The following SLC4A4 variants were observed in gnomAD, a reference collection of about 807,000 sequenced individuals.
The protein encoded by SLC4A4 is electrogenic sodium bicarbonate cotransporter 1.
A neutral mutation model predicts 111.5 loss-of-function variants in SLC4A4; 27 were observed. The observed-to-expected ratio is 0.24, with a 90% CI of 0.18 to 0.33. The LOEUF (loss-of-function observed/expected upper bound fraction) is 0.33, where lower values mean the gene tolerates loss of function less well. SLC4A4 is among the 10% of genes least tolerant of loss of function. SLC4A4 has a pLI of 1.00. For synonymous variants in SLC4A4, 443 were observed against 463.4 expected (o/e 0.96, Z 0.57); for missense variants, 909 against 1,315.5 (o/e 0.69, Z 4.78).
At chr4:71,316,999 C>G (rs142624759) in intron 3 of SLC4A4, among the ~76,000 whole-genome samples, 1 of 151,792 alleles carries the variant, frequency 6.6e-6, no homozygotes, top group South Asian at 2.1e-4. Flanking sequence ...AGGCTACAGG[C>G]GTGCACCAGT....
intron 1 of SLC4A4, among the ~76,000 whole-genome samples, chr4:71,089,336 G>T (rs1742303420): frequency 6.6e-6 from 1 of 151,894 alleles, no homozygotes; most frequent in Non-Finnish European, 1.5e-5. Flanking sequence ...TTTGCCATGG[G>T]TTCGAACTTC....
rs150679042 is a variant in SLC4A4, at chr4:71,425,769, G to A, written c.808-14847G>A. On this transcript the variant is annotated intron_variant, in intron 7 of 25. Transcript: ENST00000264485. ...TTCAGATTGGCAGTTGGTTGAAAGA[G>A]TTTATCTAAAGACCTAGAATCCATA... Among the ~76,000 whole-genome samples the A allele has an allele frequency of 1.2e-4, 18 of 152,174 alleles. No homozygotes were observed. The East Asian group carries it at 3.5e-3, about 29-fold the overall frequency.
intron 3 of SLC4A4, among the ~76,000 whole-genome samples, chr4:71,326,635 A>G (rs1727523641): frequency 6.6e-6 from 1 of 152,086 alleles, no homozygotes; most frequent in Non-Finnish European, 1.5e-5. Flanking sequence ...TGCCTTATCT[A>G]TTATCATCTC....
At chr4:71,378,076 G>A (rs1466000593) in intron 6 of SLC4A4, among the ~76,000 whole-genome samples, 1 of 152,136 alleles carries the variant, frequency 6.6e-6, no homozygotes, top group African/African-American at 2.4e-5. Context: ...CAGTCCCCAT[G>A]ATTCAATTAC....
intron 2 of SLC4A4, among the ~76,000 whole-genome samples, chr4:71,177,754 A>C (rs182554800): frequency 1.3e-5 from 2 of 152,346 alleles, no homozygotes; most frequent in Non-Finnish European, 2.9e-5. Context: ...CCCACTGTCA[A>C]CATTAGACAG....
intron 16 of SLC4A4, among the ~76,000 whole-genome samples, chr4:71,526,179 A>T (rs4146676): frequency 8.6e-5 from 13 of 151,832 alleles, no homozygotes; most frequent in Admixed American, 1.3e-4. Flanking sequence ...GGGGATTTAG[A>T]GTTGAATATA....
intron 3 of SLC4A4, among the ~76,000 whole-genome samples, chr4:71,286,360 G>T (rs74514229): frequency 6.4e-4 from 98 of 152,330 alleles, no homozygotes; most frequent in African/African-American, 2.3e-3. Context: ...GTCAACAGAA[G>T]ACCAAACGCT....
chr4:71,249,990 G>A (rs913047581), intron 2 of SLC4A4, among the ~76,000 whole-genome samples: 2 of 152,004 alleles, frequency 1.3e-5, no homozygotes, highest in African/African-American at 4.8e-5. Flanking sequence ...CACTGTGCCT[G>A]GACTTGATAC....
intron 3 of SLC4A4, among the ~76,000 whole-genome samples, chr4:71,296,902 G>T (rs1306914228): frequency 1.3e-5 from 2 of 152,138 alleles, no homozygotes; most frequent in Non-Finnish European, 2.9e-5. Context: ...TTGGATATTA[G>T]TTCGTTCTCT....
At chr4:71,320,163 C>G (rs1401078717) in intron 3 of SLC4A4, among the ~76,000 whole-genome samples, 6 of 152,028 alleles carry the variant, frequency 3.9e-5, no homozygotes, top group Non-Finnish European at 5.9e-5. Context: ...AGCAACAGCA[C>G]TTCTTTAATT....
rs1296431346 is a variant in SLC4A4 at position 71,571,152 on chromosome 4, A to G, written c.*3401A>G. On this transcript the variant is annotated 3_prime_UTR_variant, in exon 26 of 26. Coordinates refer to ENST00000264485, the MANE Select transcript of SLC4A4 (RefSeq NM_001098484.3). ...TTTTGGTTCCTTTTTTAACTGTGTT[A>G]AAGTACTTGAAATGTATTGACTGCT... The G allele has an allele frequency of 2.6e-5, 4 of 152,258 alleles. No individual in the cohort carries two copies. The highest frequency in any genetic ancestry group is 7.2e-5 in the African/African-American group (3 of 41,392). 9.4% of individuals were successfully genotyped at this position (152,258 alleles called of 1,614,324 possible).
intron 16 of SLC4A4, among the ~76,000 whole-genome samples, chr4:71,522,919 T>C (rs1276357372): frequency 6.6e-6 from 1 of 152,182 alleles, no homozygotes; most frequent in Admixed American, 6.5e-5. Flanking sequence ...ATTTAGTTTT[T>C]ATTGATGTAA....
At chr4:71,428,669 A>G (rs751513063) in intron 7 of SLC4A4, among the ~76,000 whole-genome samples, 5 of 152,088 alleles carry the variant, frequency 3.3e-5, no homozygotes, top group Non-Finnish European at 7.4e-5. Context: ...ACCAAGAAGA[A>G]GAAATGAAGA....
intron 1 of SLC4A4, among the ~76,000 whole-genome samples, chr4:71,188,831 T>C (rs1033878740): frequency 1.3e-5 from 2 of 152,238 alleles, no homozygotes; most frequent in African/African-American, 2.4e-5. Flanking sequence ...ACTGAAGATA[T>C]TAGTATAACT....
chr4:71,261,199 G>A (rs1445237346), intron 3 of SLC4A4, among the ~76,000 whole-genome samples: 1 of 152,190 alleles, frequency 6.6e-6, no homozygotes, highest in Non-Finnish European at 1.5e-5. Flanking sequence ...GAGGACCAAG[G>A]GAACAAGGAC....
At chr4:71,361,285 T>A (rs1730761451) in intron 6 of SLC4A4, among the ~76,000 whole-genome samples, 1 of 152,234 alleles carries the variant, frequency 6.6e-6, no homozygotes, top group African/African-American at 2.4e-5. Flanking sequence ...AGCACACTAC[T>A]GTCTTTATTC....
chr4:71,487,483 C>T (rs183517650), intron 15 of SLC4A4, among the ~76,000 whole-genome samples: 20 of 151,698 alleles, frequency 1.3e-4, no homozygotes, highest in Admixed American at 2.6e-4. Flanking sequence ...GTGCCTCTGT[C>T]ACATGATATC....
intron 2 of SLC4A4, among the ~76,000 whole-genome samples, chr4:71,168,465 G>C (rs572326330): frequency 6.6e-6 from 1 of 152,220 alleles, no homozygotes; most frequent in East Asian, 1.9e-4. Context: ...TTACAGGCGT[G>C]AGCCACTGCT....
intron 1 of SLC4A4, among the ~76,000 whole-genome samples, chr4:71,065,359 G>A (rs984917212): frequency 9.2e-5 from 13 of 140,796 alleles, no homozygotes; most frequent in African/African-American, 3.0e-4. Context: ...TATGCTTGGA[G>A]TATCACCAGA....
Sources: allele counts gnomAD v4.1 joint callset (sites outside exome capture counted in the v4.1 genomes callset), GRCh38; gene constraint gnomAD v4.1.1; transcripts MANE v1.5; gene names NCBI Gene and HGNC (gene_info 2026-07-23, HGNC 2026-07-21).